Variants in KIAA0319 observed in about 807,000 individuals in gnomAD.
KIAA0319 encodes the protein KIAA0319.
KIAA0319 carries 83 observed loss-of-function variants against 108.4 expected under a neutral mutation model. That is an observed-to-expected ratio of 0.77 (90% CI 0.64 to 0.92). The LOEUF is 0.92. KIAA0319 is among the 40% of genes least tolerant of loss of function. The probability of loss-of-function intolerance (pLI) is 0.00; values close to 1 mark genes in which losing one functional copy is unlikely to be tolerated. For synonymous variants in KIAA0319, 484 were observed against 510.4 expected (o/e 0.95, Z 0.70); for missense variants, 1,195 against 1,322.4 (o/e 0.90, Z 1.49).
In KIAA0319 at chr6:24,596,528, G is replaced by A. The variant is rs763089454; in HGVS notation, c.146C>T (p.Ser49Phe). 2.8e-5 allele frequency: 45 copies of A among 1,613,918 alleles called. No homozygotes were observed. Among genetic ancestry groups the A allele is most frequent in the Middle Eastern group, 1.6e-4 (1 of 6,082 alleles). ...GCAGTCTACGACAGGGAAGGTGTGA[G>A]ACACCCGCATGATTCTGGTGGTTTC... ...NLETTRIMRV[S>F]HTFPVVDCTA... Residue 49 changes from serine to phenylalanine, a missense_variant, in exon 3 of 21, where the codon TCT becomes TTT. Coordinates refer to ENST00000378214, the MANE Select transcript of KIAA0319 (RefSeq NM_014809.4).
At chr6:24,560,499 T>G (rs1263173150) in intron 16 of KIAA0319, among the ~76,000 whole-genome samples, 1 of 152,246 alleles carries the variant, frequency 6.6e-6, no homozygotes, top group East Asian at 1.9e-4. Context: ...GTATATCTTC[T>G]TTGGAGAAAT....
intron 4 of KIAA0319, among the ~76,000 whole-genome samples, chr6:24,585,536 T>G (rs954119185): frequency 3.0e-4 from 45 of 152,152 alleles, no homozygotes; most frequent in African/African-American, 1.1e-3. Context: ...CATATCTAAT[T>G]GTTTCCTCTG....
At chr6:24,553,294 TACACACAC>T (rs71544276) in intron 19 of KIAA0319, among the ~76,000 whole-genome samples, 1,374 of 90,962 alleles carry the variant, frequency 0.015, 39 homozygotes, top group African/African-American at 0.036. Context: ...TATATATATA[TACACACAC>T]ACACACACAC....
At chr6:24,582,127 C>G (rs1045386365) in intron 6 of KIAA0319, 122 bp downstream of exon 6, 2 of 608,386 alleles carry the variant, frequency 3.3e-6, no homozygotes, top group African/African-American at 3.7e-5. Context: ...GCCTGGGCAA[C>G]AGAGCAAGAC....
chr6:24,631,352 T>A (rs1361562066), intron 1 of KIAA0319, among the ~76,000 whole-genome samples: 1 of 152,220 alleles, frequency 6.6e-6, no homozygotes, highest in African/African-American at 2.4e-5. Context: ...AGGAGGGGAT[T>A]TCCCACTCAT....
At position 24,545,591 on chromosome 6, in the gene KIAA0319, G is replaced by GA. The variant is rs921368323; in HGVS notation, c.*1573dup. 52 of 152,158 alleles carry GA rather than the reference G, an allele frequency of 3.4e-4. 1 individual carries two copies. Among genetic ancestry groups the GA allele is most frequent in the African/African-American group, 1.2e-3 (50 of 41,522 alleles). 9.4% of individuals were successfully genotyped at this position (152,158 alleles called of 1,614,324 possible). On this transcript the variant is annotated 3_prime_UTR_variant, in exon 21 of 21. Coordinates refer to ENST00000378214, the MANE Select transcript of KIAA0319 (RefSeq NM_014809.4). ...CAGTATTGAATTGGCTAGTTATACAGAAAGTGTAGGCATAAGCAAAGCAAT... is the reference window on the plus strand; with the variant it reads ...CAGTATTGAATTGGCTAGTTATACAGAAAAGTGTAGGCATAAGCAAAGCAAT...
intron 1 of KIAA0319, among the ~76,000 whole-genome samples, chr6:24,604,014 C>G (rs1410435212): frequency 6.6e-6 from 1 of 152,026 alleles, no homozygotes; most frequent in Non-Finnish European, 1.5e-5. Context: ...CAGGAAGGAA[C>G]CAGACTAAAG....
intron 1 of KIAA0319, among the ~76,000 whole-genome samples, chr6:24,629,522 A>AAAAAAAAAAG (rs1775223242): frequency 6.7e-6 from 1 of 148,256 alleles, no homozygotes; most frequent in Non-Finnish European, 1.5e-5. Context: ...CTCAAAAAAA[A>AAAAAAAAAAG]AAAAAAAAAG....
chr6:24,541,153 G>C (rs1476194250), downstream of KIAA0319, among the ~76,000 whole-genome samples: 1 of 152,042 alleles, frequency 6.6e-6, no homozygotes, highest in Admixed American at 6.6e-5. Flanking sequence ...CAAAAAAAAA[G>C]GATACATAAT....
At chr6:24,594,198 C>CAAAAAAAAAAAAA (rs761107947) in intron 3 of KIAA0319, among the ~76,000 whole-genome samples, 1 of 54,398 alleles carries the variant, frequency 1.8e-5, no homozygotes, top group Non-Finnish European at 3.1e-5. Context: ...GACTCTGTCT[C>CAAAAAAAAAAAAA]AAAAAAAAAA....
intron 7 of KIAA0319, 121 bp downstream of exon 7, chr6:24,580,805 G>T: frequency 1.5e-6 from 1 of 683,164 alleles, no homozygotes; most frequent in Non-Finnish European, 2.6e-6. Flanking sequence ...CTACAATGGA[G>T]CCTAATACAA....
chr6:24,632,182 T>C (rs1775664992), intron 1 of KIAA0319, among the ~76,000 whole-genome samples: 1 of 152,214 alleles, frequency 6.6e-6, no homozygotes, highest in Admixed American at 6.5e-5. Context: ...CTATTAATAA[T>C]CAGGAAATAA....
chr6:24,553,638 G>A (rs1383782511), intron 19 of KIAA0319, among the ~76,000 whole-genome samples: 7 of 152,174 alleles, frequency 4.6e-5, no homozygotes, highest in African/African-American at 1.7e-4. Flanking sequence ...GGAGAATGGA[G>A]TGCTTTACAG....
intron 1 of KIAA0319, among the ~76,000 whole-genome samples, chr6:24,612,795 T>G (rs1025174686): frequency 1.3e-5 from 2 of 151,914 alleles, no homozygotes; most frequent in Non-Finnish European, 2.9e-5. Flanking sequence ...TCAGGGAGAA[T>G]TTTTTTGTTG....
rs757748334 is a variant in KIAA0319, at chr6:24,580,957, T to C, written c.1248A>G (p.Gly416=). 1.9e-5 allele frequency: 30 copies of C among 1,612,874 alleles called. 1 individual carries two copies. In the South Asian group the frequency reaches 2.9e-4, roughly 15 times the overall value. ...TAACAGTGACATTGACAAATCCTTC[T>C]CCAAAGGCGTTTTCACTAGAAACAG... ...KVTVSSENAF[G]EGFVNVTVKP... Residue 416 remains glycine, a synonymous_variant, in exon 7 of 21, where the codon GGA becomes GGG. Transcript: ENST00000378214.
At chr6:24,579,493 C>CTTATATATCTCATATATA in intron 8 of KIAA0319, among the ~76,000 whole-genome samples, 1 of 142,330 alleles carries the variant, frequency 7.0e-6, no homozygotes, top group Non-Finnish European at 1.5e-5. Context: ...TCTCATATAT[C>CTTATATATCTCATATATA]TTATATATCT....
At chr6:24,575,318 A>T (rs1765311761) in intron 10 of KIAA0319, among the ~76,000 whole-genome samples, 1 of 152,192 alleles carries the variant, frequency 6.6e-6, no homozygotes, top group African/African-American at 2.4e-5. Flanking sequence ...TGGATTTTGG[A>T]GTATTAGCTT....
chr6:24,601,910 T>C (rs1213817349), intron 1 of KIAA0319, among the ~76,000 whole-genome samples: 8 of 152,188 alleles, frequency 5.3e-5, no homozygotes, highest in Non-Finnish European at 1.2e-4. Flanking sequence ...CTGTGGATTG[T>C]CGGTCAAAGT....
chr6:24,583,766 C>G, intron 4 of KIAA0319, 64 bp from the exon 5 acceptor site: 1 of 978,442 alleles, frequency 1.0e-6, no homozygotes, highest in Non-Finnish European at 1.6e-6. Flanking sequence ...TACTGCTCTA[C>G]ACTAGATCTG....
Sources: allele counts gnomAD v4.1 joint callset (sites outside exome capture counted in the v4.1 genomes callset), GRCh38; gene constraint gnomAD v4.1.1; transcripts MANE v1.5; gene names NCBI Gene and HGNC (gene_info 2026-07-23, HGNC 2026-07-21).